SNTG1: variants seen among roughly 807,000 people sequenced by gnomAD.
SNTG1 encodes the protein syntrophin gamma 1, also known as gamma-1-syntrophin.
In SNTG1, 39 loss-of-function variants were observed where a neutral mutation model predicts 74.7. That is an observed-to-expected ratio of 0.52 (90% CI 0.40 to 0.68). SNTG1 has a LOEUF of 0.68. SNTG1 is among the 30% of genes least tolerant of loss of function. The pLI is 0.00. For missense variants in SNTG1, 685 were observed against 609.5 expected, an observed-to-expected ratio of 1.12 and a Z score of -1.30; for synonymous variants, 254 against 217.1, an observed-to-expected ratio of 1.17 and a Z score of -1.49.
At chr8:50,704,852 C>T (rs2095438276) in intron 16 of SNTG1, 100 bp downstream of exon 16, 14 of 1,384,356 alleles carry the variant, frequency 1.0e-5, no homozygotes, top group Non-Finnish European at 1.4e-5. Flanking sequence ...AAATACAGTT[C>T]TGGGAATCTT....
At chr8:50,042,330 G>A (rs538533192) in intron 1 of SNTG1, among the ~76,000 whole-genome samples, 212 of 152,188 alleles carry the variant, frequency 1.4e-3, no homozygotes, top group African/African-American at 4.8e-3. Flanking sequence ...TGTGTTGTAG[G>A]TCCTACCCCT....
chr8:50,043,882 T>A (rs1411937905), intron 1 of SNTG1, among the ~76,000 whole-genome samples: 2 of 152,184 alleles, frequency 1.3e-5, no homozygotes, highest in Non-Finnish European at 2.9e-5. Context: ...ATTACGCATG[T>A]CATAGCAGCC....
intron 2 of SNTG1, among the ~76,000 whole-genome samples, chr8:50,256,495 G>A (rs940392750): frequency 6.6e-6 from 1 of 151,956 alleles, no homozygotes; most frequent in Admixed American, 6.6e-5. Flanking sequence ...CTACATGAAT[G>A]TGAGTATGGA....
chr8:50,439,519 T>C (rs1019796450), intron 5 of SNTG1, among the ~76,000 whole-genome samples: 38 of 152,048 alleles, frequency 2.5e-4, no homozygotes, highest in African/African-American at 9.2e-4. Context: ...AATAGCGTTG[T>C]ATTGTCAGTG....
At chr8:50,669,593 G>A (rs1226868887) in intron 15 of SNTG1, among the ~76,000 whole-genome samples, 2 of 152,164 alleles carry the variant, frequency 1.3e-5, no homozygotes, top group African/African-American at 4.8e-5. Flanking sequence ...TGGACTCACA[G>A]CCGAATTCTA....
chr8:50,688,905 C>T (rs1250530256), intron 15 of SNTG1, among the ~76,000 whole-genome samples: 1 of 152,006 alleles, frequency 6.6e-6, no homozygotes, highest in Non-Finnish European at 1.5e-5. Flanking sequence ...AATGTTCTCC[C>T]ATTTGTTTGT....
intron 2 of SNTG1, among the ~76,000 whole-genome samples, chr8:50,277,159 C>A (rs889640821): frequency 6.6e-6 from 1 of 150,652 alleles, no homozygotes; most frequent in South Asian, 2.1e-4. Flanking sequence ...TCCAGCTACT[C>A]GGGAGCCTGA....
intron 4 of SNTG1, among the ~76,000 whole-genome samples, chr8:50,434,235 C>T (rs1178015770): frequency 6.6e-6 from 1 of 152,132 alleles, no homozygotes. Context: ...TTTTTTATGG[C>T]TGCATAGTAT....
chr8:50,357,529 C>G (rs150125438), intron 2 of SNTG1, among the ~76,000 whole-genome samples: 2 of 152,302 alleles, frequency 1.3e-5, no homozygotes, highest in African/African-American at 4.8e-5. Context: ...CACTACTCTT[C>G]CTGTTACCAA....
chr8:50,439,943 T>A (rs1032012556), intron 5 of SNTG1, among the ~76,000 whole-genome samples: 1 of 151,634 alleles, frequency 6.6e-6, no homozygotes, highest in African/African-American at 2.4e-5. Flanking sequence ...TTGTTGTTTT[T>A]CGTATTTTAA....
Position 50,794,218 on chromosome 8 carries a change from CA to C in SNTG1, c.*1391del, listed in dbSNP as rs2095699268. The C allele has an allele frequency of 6.6e-6, 1 of 150,862 alleles. No homozygotes were observed. Among genetic ancestry groups the C allele is most frequent in the Non-Finnish European group, 1.5e-5 (1 of 67,714 alleles). 9.3% of individuals were successfully genotyped at this position (150,862 alleles called of 1,614,324 possible). ...TAACCAAGTATCTAATAAATTGATTCAATTTTTTTTTTCAAATATGTTTTTA... is the reference window on the plus strand; with the variant it reads ...TAACCAAGTATCTAATAAATTGATTCATTTTTTTTTTCAAATATGTTTTTA... On this transcript the variant is annotated 3_prime_UTR_variant, in exon 19 of 19. Transcript: ENST00000642720.
intron 15 of SNTG1, among the ~76,000 whole-genome samples, chr8:50,687,004 G>A (rs937326535): frequency 9.3e-5 from 14 of 151,050 alleles, no homozygotes; most frequent in South Asian, 2.1e-4. Context: ...GCGCAGTGGC[G>A]GGCGCCTGTA....
At chr8:50,291,516 T>G (rs2089108338) in intron 2 of SNTG1, among the ~76,000 whole-genome samples, 1 of 152,082 alleles carries the variant, frequency 6.6e-6, no homozygotes, top group African/African-American at 2.4e-5. Context: ...AGTGACATAA[T>G]AAATGAGACA....
chr8:50,696,416 G>C (rs909944064), intron 15 of SNTG1, among the ~76,000 whole-genome samples: 3 of 151,980 alleles, frequency 2.0e-5, no homozygotes, highest in Middle Eastern at 6.8e-3. Flanking sequence ...TCATTCTTAG[G>C]TTGTATATTT....
At chr8:50,752,820 TTAG>T (rs1301071412) in intron 18 of SNTG1, among the ~76,000 whole-genome samples, 1 of 151,998 alleles carries the variant, frequency 6.6e-6, no homozygotes, top group Non-Finnish European at 1.5e-5. Flanking sequence ...TGCTCTATGT[TTAG>T]ATTAGACACT....
intron 2 of SNTG1, among the ~76,000 whole-genome samples, chr8:50,359,976 T>C (rs748551773): frequency 5.9e-5 from 9 of 152,148 alleles, no homozygotes; most frequent in Non-Finnish European, 1.3e-4. Context: ...AATCTTCATG[T>C]TAAAAAGAAA....
At chr8:50,725,677 T>TA (rs1193936618) in intron 17 of SNTG1, among the ~76,000 whole-genome samples, 1 of 152,130 alleles carries the variant, frequency 6.6e-6, no homozygotes, top group African/African-American at 2.4e-5. Context: ...AGCAGGCTGT[T>TA]ACACCAACTG....
chr8:50,537,615 T>C (rs2094317290), intron 11 of SNTG1, among the ~76,000 whole-genome samples: 1 of 152,156 alleles, frequency 6.6e-6, no homozygotes. Context: ...ATGTATACTT[T>C]ATGAGTCTCT....
At position 50,153,359 on chromosome 8, in the gene SNTG1, G is replaced by A. The variant is rs142238778; in HGVS notation, c.-102-19202G>A. Among the ~76,000 whole-genome samples the A allele has an allele frequency of 1.8e-4, 27 of 152,138 alleles. No individual in the cohort carries two copies. In the East Asian group the frequency reaches 2.9e-3, roughly 16 times the overall value. On this transcript the variant is annotated intron_variant, in intron 1 of 18. Transcript: ENST00000642720. ...TTTGCATTGGGTTCAAACTTCCTCC[G>A]TTAGCTCAGAGAAGTTTGATTGTCT...
Sources: gnomAD v4.1 joint callset for allele counts (sites outside exome capture counted in the v4.1 genomes callset) on GRCh38, gnomAD v4.1.1 for gene constraint, MANE v1.5 for transcripts, NCBI Gene and HGNC (gene_info 2026-07-23, HGNC 2026-07-21) for gene names.